The following CROCC variants were observed in gnomAD, a reference collection of about 807,000 sequenced individuals.
CROCC encodes the protein rootletin.
A neutral mutation model predicts 245.2 loss-of-function variants in CROCC; 180 were observed. The ratio of observed to expected loss-of-function variants is 0.73; its 90% CI spans 0.65 to 0.83. CROCC has a LOEUF of 0.83. CROCC is among the 40% of genes least tolerant of loss of function. The pLI is 0.00. For missense variants in CROCC, 2,688 were observed against 2,779.4 expected, an observed-to-expected ratio of 0.97 and a Z score of 0.74; for synonymous variants, 1,205 against 1,241.6, an observed-to-expected ratio of 0.97 and a Z score of 0.62.
chr1:16,966,731 T>A lies in CROCC; in HGVS notation c.4860+160T>A, dbSNP rs1390261958. ...TCTGTGAAACCATGTTCAGACTCCA[T>A]CCTCTCATGTCACTTGTGGTCACTA... On this transcript the variant is annotated intron_variant, in intron 30 of 36. Coordinates refer to ENST00000375541, the MANE Select transcript of CROCC (RefSeq NM_014675.5). The surrounding 1 kb of genome is among the most constrained non-coding windows in gnomAD (Gnocchi z 4.8). Among the ~76,000 whole-genome samples, 2 of 152,194 alleles carry A rather than the reference T, an allele frequency of 1.3e-5. No individual in the cohort carries two copies. Among genetic ancestry groups the A allele is most frequent in the Non-Finnish European group, 2.9e-5 (2 of 68,028 alleles).
In CROCC at chr1:16,944,265, C is replaced by A; in HGVS notation, c.1974C>A (p.Arg658=). Reference sequence around the variant, plus strand: ...CAGTGCAGGATGGCGCGCGGGTGCGCCGGGAGCTTGAGCGCAGGTGAGCAG... The same window carrying A: ...CAGTGCAGGATGGCGCGCGGGTGCGACGGGAGCTTGAGCGCAGGTGAGCAG... The part of the protein sequence containing the change: ...EDAVQDGARV[R]RELERSHRQL... Residue 658 remains arginine, a synonymous_variant, in exon 14 of 37, where the codon CGC becomes CGA. Transcript: ENST00000375541. 1 of 1,543,128 alleles carries A rather than the reference C, an allele frequency of 6.5e-7. No homozygotes were observed. The highest frequency in any genetic ancestry group is 8.7e-7 in the Non-Finnish European group (1 of 1,143,096).
At chr1:16,953,034 G>C in intron 20 of CROCC, 1 of 447,616 alleles carries the variant, frequency 2.2e-6, no homozygotes, top group East Asian at 3.9e-5. Context: ...GCCTGGGGTG[G>C]TCTTTTCTCT....
chr1:16,949,287 C>T (rs561405113), intron 19 of CROCC, among the ~76,000 whole-genome samples: 2 of 152,324 alleles, frequency 1.3e-5, no homozygotes, highest in African/African-American at 4.8e-5. Context: ...AGATGACTCT[C>T]TTGGCCCCAG....
At chr1:16,926,235 G>T (rs1271779051) in intron 3 of CROCC, among the ~76,000 whole-genome samples, 1 of 152,284 alleles carries the variant, frequency 6.6e-6, no homozygotes. Context: ...GAACAGGAAT[G>T]ACCTCAAAGG....
At chr1:16,940,449 C>T (rs1324737774) in intron 13 of CROCC, among the ~76,000 whole-genome samples, 1 of 151,528 alleles carries the variant, frequency 6.6e-6, no homozygotes, top group Non-Finnish European at 1.5e-5. Context: ...AGTGCAGTGG[C>T]GCGATCTTGG....
chr1:16,922,899 C>T (rs1293789248), intron 2 of CROCC, 101 bp downstream of exon 2: 11 of 1,483,696 alleles, frequency 7.4e-6, no homozygotes, highest in African/African-American at 1.4e-5. Flanking sequence ...GACTGTAACT[C>T]ACTGTGGGGC....
chr1:16,931,830 C>T (rs1245166871), intron 8 of CROCC, among the ~76,000 whole-genome samples: 3 of 152,160 alleles, frequency 2.0e-5, no homozygotes, highest in African/African-American at 7.2e-5. Context: ...GATCTTGGAT[C>T]ACTGCAACCT....
chr1:16,966,700 T>C lies in CROCC; in HGVS notation c.4860+129T>C. 1 of 1,058,614 alleles carries C rather than the reference T, an allele frequency of 9.4e-7. No individual in the cohort carries two copies. Among genetic ancestry groups the C allele is most frequent in the Non-Finnish European group, 1.3e-6 (1 of 777,120 alleles). The allele number at this position is 1,058,614 out of a possible 1,614,324, so 65.6% of individuals were successfully genotyped here. A position where few individuals can be genotyped will look rare whatever the true frequency, so the allele number is the denominator to read the frequency against. On this transcript the variant is annotated intron_variant, in intron 30 of 36. Transcript: ENST00000375541. This position sits in a 1 kb window ranked among gnomAD's most constrained non-coding sequence, Gnocchi z 4.8. ...CTGCAACCCACTGAGGTGACCAGCC[T>C]GTGACTCTGTGAAACCATGTTCAGA...
rs1389989054 is a variant in CROCC, at chr1:16,971,490, G to A, written c.5810G>A (p.Ser1937Asn). 6.5e-7 allele frequency: 1 copy of A among 1,536,888 alleles called. No homozygotes were observed. Among genetic ancestry groups the A allele is most frequent in the South Asian group, 1.2e-5 (1 of 83,934 alleles). ...GCGCAGGTGGTGGTGCTGGAGCAGA[G>A]CCACAGCCCGGCCCAGCTGGAGGTG... ...LEAQVVVLEQ[S>N]HSPAQLEVDA... is the part of the protein sequence containing the mutation. Residue 1937 changes from serine (S) to asparagine (N), a missense_variant, in exon 36 of 37, where the codon AGC (serine) becomes AAC (asparagine). This residue lies in a region of CROCC where 1,218 missense variants were observed against 1,286.3 expected (regional missense o/e 0.95). Transcript: ENST00000375541.
At chr1:16,961,366 C>T (rs1290735936) in intron 27 of CROCC, among the ~76,000 whole-genome samples, 1 of 151,894 alleles carries the variant, frequency 6.6e-6, no homozygotes, top group Non-Finnish European at 1.5e-5. Flanking sequence ...ATCTGTTTCC[C>T]GGGCTCAAGT....
At chr1:16,936,240 C>T (rs1339336351) in intron 8 of CROCC, among the ~76,000 whole-genome samples, 4 of 152,204 alleles carry the variant, frequency 2.6e-5, no homozygotes, top group Admixed American at 2.0e-4. Context: ...TGTATGCCAC[C>T]GCACCCAGCC....
Position 16,971,592 on chromosome 1 carries a change from C to T in CROCC, c.5912C>T (p.Thr1971Ile). Residue 1971 changes from threonine to isoleucine, a missense_variant, in exon 36 of 37, where the codon ACC becomes ATC. Physicochemically the swap from Thr to Ile is moderately conservative, Grantham distance 89. Transcript: ENST00000375541. ...AGCGCCCAGGCGCAGACTGAGCGCA[C>T]CCTGGAGGCTCGGGAGCGGGCCCAC... ...LRSAQAQTER[T>I]LEARERAHRQ... 6.6e-7 allele frequency: 1 copy of T among 1,526,340 alleles called. No homozygotes were observed. 94.5% of individuals were successfully genotyped at this position (1,526,340 alleles called of 1,614,324 possible). A position where few individuals can be genotyped will look rare whatever the true frequency, so the allele number is the denominator to read the frequency against.
chr1:16,929,882 GA>G lies in CROCC; in HGVS notation c.389del (p.Glu130GlyfsTer77). The G allele has an allele frequency of 1.9e-6, 3 of 1,582,828 alleles. No individual in the cohort carries two copies. Among genetic ancestry groups the G allele is most frequent in the Non-Finnish European group, 2.6e-6 (3 of 1,168,250 alleles). ...TCTGCGGCTGGAGCCTGGGGAGCTG[GA>G]GACGCAGGAGCCCAGGGGGCTGGTA... ...QALRLEPGEL[E>X]TQEPRGLVRQ... On this transcript the variant is annotated frameshift_variant, in exon 4 of 37. Coordinates refer to ENST00000375541, the MANE Select transcript of CROCC (RefSeq NM_014675.5). LOFTEE classifies it high-confidence loss of function.
chr1:16,955,539 C>G lies in CROCC; in HGVS notation c.3693C>G (p.Ser1231Arg). The G allele has an allele frequency of 1.3e-6, 2 of 1,541,862 alleles. No homozygotes were observed. Among genetic ancestry groups the G allele is most frequent in the Non-Finnish European group, 1.7e-6 (2 of 1,148,420 alleles). ...GGTCTGCTGTGAAGAAGGCAGAGAG[C>G]GAGCGCATCAGGTGGGGTGTCGCAG... ...ELRSAVKKAE[S>R]ERISLKLANE... The change falls in exon 24 of 37, where the codon AGC (serine) becomes AGG (arginine). Residue 1231 changes from serine to arginine, a missense_variant. Ser to Arg is a moderately radical substitution (Grantham distance 110). Around this residue, in one of 9 missense-constraint regions of CROCC, gnomAD observed 1,218 missense variants for 1,286.3 expected, o/e 0.95. Coordinates refer to ENST00000375541, the MANE Select transcript of CROCC (RefSeq NM_014675.5).
Position 16,948,417 on chromosome 1 carries a change from G to C in CROCC, c.2601G>C (p.Ala867=), listed in dbSNP as rs776506952. The C allele has an allele frequency of 1.9e-6, 3 of 1,573,176 alleles. No homozygotes were observed. Among genetic ancestry groups the C allele is most frequent in the African/African-American group, 2.7e-5 (2 of 74,462 alleles). ...AQRQVEALER[A]AREKEALAKE... ...GGCAAGTGGAGGCGCTGGAGCGAGC[G>C]GCCCGTGAGAAGGAGGCGCTAGCCA... Residue 867 remains alanine (A), a synonymous_variant, in exon 18 of 37, where the codon GCG becomes GCC. Transcript: ENST00000375541.
Position 16,971,458 on chromosome 1 carries a change from C to G in CROCC, c.5785-7C>G. 6.5e-7 allele frequency: 1 copy of G among 1,531,740 alleles called. No individual in the cohort carries two copies. Among genetic ancestry groups the G allele is most frequent in the Non-Finnish European group, 8.7e-7 (1 of 1,143,234 alleles). The allele number at this position is 1,531,740 out of a possible 1,614,324, so 94.9% of individuals were successfully genotyped here. ...GCCAGAACGCGGACCACAGCCCCTC[C>G]CTGCAGGCGCAGGTGGTGGTGCTGG... On this transcript the variant is annotated splice_region_variant and splice_polypyrimidine_tract_variant and intron_variant, in intron 35 of 36. Coordinates refer to ENST00000375541, the MANE Select transcript of CROCC (RefSeq NM_014675.5).
Position 16,946,817 on chromosome 1 carries a change from C to CA in CROCC, c.2341dup (p.Thr781AsnfsTer48). 6.4e-7 allele frequency: 1 copy of CA among 1,552,916 alleles called. No homozygotes were observed. The highest frequency in any genetic ancestry group is 1.2e-5 in the South Asian group (1 of 84,160). On this transcript the variant is annotated frameshift_variant, in exon 17 of 37. Coordinates refer to ENST00000375541, the MANE Select transcript of CROCC (RefSeq NM_014675.5). LOFTEE classifies it high-confidence loss of function. The stretch of plus-strand genomic sequence containing the variant: ...GGCAACGGCAGGCAGAGCAGGAGGC[C>CA]ACAGTGGCGCGGGAAGAGCAGGAAC...
At chr1:16,951,809 T>C (rs1454847356) in intron 20 of CROCC, 1 of 155,828 alleles carries the variant, frequency 6.4e-6, no homozygotes, top group East Asian at 1.9e-4. Flanking sequence ...CTCCAGGGCA[T>C]GCCACTCACC....
chr1:16,961,016 G>A lies in CROCC; in HGVS notation c.4291G>A (p.Ala1431Thr), dbSNP rs1268221173. Residue 1431 changes from alanine to threonine, a missense_variant, in exon 27 of 37, where the codon GCC (alanine) becomes ACC (threonine). Physicochemically the swap from Ala to Thr is moderately conservative, Grantham distance 58 (BLOSUM62 0). This residue lies in a region of CROCC where 1,218 missense variants were observed against 1,286.3 expected (regional missense o/e 0.95). Transcript: ENST00000375541. ...GGAGGTGCAGCGGCGCGCGGCGGAG[G>A]CCCAGCTGGGTGGCCTGCGCTCGGC... ...RVEVQRRAAE[A>T]QLGGLRSALR... The A allele has an allele frequency of 7.7e-7, 1 of 1,306,898 alleles. No individual in the cohort carries two copies. Among genetic ancestry groups the A allele is most frequent in the Non-Finnish European group, 9.7e-7 (1 of 1,034,720 alleles). The allele number at this position is 1,306,898 out of a possible 1,614,324, so 81.0% of individuals were successfully genotyped here.
Sources: gnomAD v4.1 joint callset for allele counts (sites outside exome capture counted in the v4.1 genomes callset) on GRCh38, gnomAD v4.1.1 for gene constraint, gnomAD v4.1.1 regional missense constraint, Gnocchi (gnomAD v3.1) non-coding constraint, MANE v1.5 for transcripts, NCBI Gene and HGNC (gene_info 2026-07-23, HGNC 2026-07-21) for gene names.